Variants in COL21A1 observed in about 807,000 individuals in gnomAD.
The protein encoded by COL21A1 is collagen type XXI alpha 1 chain.
COL21A1 carries 149 observed loss-of-function variants against 137.9 expected under a neutral mutation model. The observed-to-expected ratio is 1.08, with a 90% CI of 0.95 to 1.24. The LOEUF (loss-of-function observed/expected upper bound fraction) is 1.24. Among genes scored for constraint, COL21A1 ranks in the 50% most tolerant of loss-of-function variants. COL21A1 has a pLI of 0.00. For synonymous variants in COL21A1, 456 were observed against 391.5 expected, an observed-to-expected ratio of 1.16 and a Z score of -1.95; for missense variants, 1,167 against 1,158.4, an observed-to-expected ratio of 1.01 and a Z score of -0.11.
intron 1 of COL21A1, among the ~76,000 whole-genome samples, chr6:56,210,507 A>C (rs1405739404): frequency 6.6e-6 from 1 of 152,210 alleles, no homozygotes; most frequent in Non-Finnish European, 1.5e-5. Flanking sequence ...AATCTAGGCA[A>C]GGACTACCAG....
At chr6:56,338,932 T>C (rs1265623977) in intron 1 of COL21A1, among the ~76,000 whole-genome samples, 1 of 152,204 alleles carries the variant, frequency 6.6e-6, no homozygotes, top group Non-Finnish European at 1.5e-5. Flanking sequence ...TTATGATCCC[T>C]AAAAAGACTG....
At chr6:56,101,190 T>C (rs1460774405) in intron 17 of COL21A1, among the ~76,000 whole-genome samples, 1 of 152,190 alleles carries the variant, frequency 6.6e-6, no homozygotes, top group African/African-American at 2.4e-5. Flanking sequence ...GACTGAAGGC[T>C]CAGCAACAGA....
intron 1 of COL21A1, among the ~76,000 whole-genome samples, chr6:56,192,008 G>C (rs1778716102): frequency 6.6e-6 from 1 of 152,032 alleles, no homozygotes; most frequent in Admixed American, 6.6e-5. Context: ...CAGATATATA[G>C]ACCAATGGAA....
intron 1 of COL21A1, among the ~76,000 whole-genome samples, chr6:56,330,284 G>A (rs985970924): frequency 6.6e-6 from 1 of 151,916 alleles, no homozygotes; most frequent in Admixed American, 6.6e-5. Flanking sequence ...TATTAGGAGG[G>A]TAAAGCAAAA....
intron 1 of COL21A1, among the ~76,000 whole-genome samples, chr6:56,280,100 T>C (rs147025968): frequency 2.2e-4 from 34 of 152,330 alleles, no homozygotes; most frequent in African/African-American, 7.9e-4. Context: ...CCACAAGTTG[T>C]ACATCTCCTA....
chr6:56,197,997 G>A (rs1435361384), intron 1 of COL21A1, among the ~76,000 whole-genome samples: 1 of 151,974 alleles, frequency 6.6e-6, no homozygotes, highest in Non-Finnish European at 1.5e-5. Flanking sequence ...TGGGGTGTGT[G>A]TACACGTATA....
intron 1 of COL21A1, among the ~76,000 whole-genome samples, chr6:56,368,933 A>C (rs560541764): frequency 1.3e-5 from 2 of 152,320 alleles, no homozygotes; most frequent in South Asian, 4.1e-4. Flanking sequence ...TTTCTCCATT[A>C]AAAATGTAAT....
chr6:56,158,270 T>TTC (rs1775931927), intron 9 of COL21A1, among the ~76,000 whole-genome samples: 7 of 110,268 alleles, frequency 6.3e-5, no homozygotes, highest in African/African-American at 2.3e-4. Flanking sequence ...TTTTTTCTTT[T>TTC]TTTTTTTTTT....
intron 1 of COL21A1, among the ~76,000 whole-genome samples, chr6:56,320,532 C>G (rs1271347556): frequency 6.6e-6 from 1 of 151,794 alleles, no homozygotes; most frequent in East Asian, 1.9e-4. Context: ...CACACACACA[C>G]ACACACACAC....
chr6:56,064,984 T>G (rs1766115981), intron 23 of COL21A1, among the ~76,000 whole-genome samples: 1 of 152,218 alleles, frequency 6.6e-6, no homozygotes, highest in Middle Eastern at 3.4e-3. Flanking sequence ...TTATGTTCAT[T>G]GTTGACTATG....
chr6:56,073,378 A>G (rs1471161825), intron 20 of COL21A1, among the ~76,000 whole-genome samples: 1 of 151,374 alleles, frequency 6.6e-6, no homozygotes, highest in Non-Finnish European at 1.5e-5. Context: ...TTTTCTCATT[A>G]TTGGGCTCCC....
chr6:56,111,503 T>C (rs1771429471), intron 16 of COL21A1, among the ~76,000 whole-genome samples: 1 of 152,110 alleles, frequency 6.6e-6, no homozygotes, highest in South Asian at 2.1e-4. Context: ...TCAACAGAAG[T>C]TGGATAAAGG....
intron 10 of COL21A1, among the ~76,000 whole-genome samples, chr6:56,151,894 C>T (rs1039170792): frequency 4.6e-5 from 7 of 152,106 alleles, no homozygotes; most frequent in Non-Finnish European, 7.4e-5. Context: ...GACCACCCAA[C>T]GTCACATTCC....
At chr6:56,107,197 G>T (rs995262553) in intron 16 of COL21A1, among the ~76,000 whole-genome samples, 1 of 152,080 alleles carries the variant, frequency 6.6e-6, no homozygotes, top group African/African-American at 2.4e-5. Flanking sequence ...TGAGAACGAT[G>T]ATTAAATTAC....
chr6:56,211,704 C>A (rs1245680587), intron 1 of COL21A1, among the ~76,000 whole-genome samples: 2 of 152,030 alleles, frequency 1.3e-5, no homozygotes, highest in Non-Finnish European at 2.9e-5. Flanking sequence ...GTGATTGTCA[C>A]CATTTTTTTT....
intron 1 of COL21A1, among the ~76,000 whole-genome samples, chr6:56,311,030 AG>A: frequency 6.6e-6 from 1 of 152,330 alleles, no homozygotes; most frequent in Non-Finnish European, 1.5e-5. Flanking sequence ...TACGGCTATT[AG>A]GTTTTAAAAG....
chr6:56,116,396 T>TAAAA (rs370697652), intron 16 of COL21A1, among the ~76,000 whole-genome samples: 6 of 90,830 alleles, frequency 6.6e-5, no homozygotes, highest in Non-Finnish European at 6.2e-5. Flanking sequence ...GTGCCAAAGG[T>TAAAA]AAAAAAAAAA....
At chr6:56,354,331 T>C (rs910478876) in intron 1 of COL21A1, among the ~76,000 whole-genome samples, 1 of 152,226 alleles carries the variant, frequency 6.6e-6, no homozygotes, top group Non-Finnish European at 1.5e-5. Context: ...TATACTTTCA[T>C]AAATTGTGCT....
intron 1 of COL21A1, among the ~76,000 whole-genome samples, chr6:56,367,293 C>G (rs750509475): frequency 6.6e-6 from 1 of 152,192 alleles, no homozygotes; most frequent in African/African-American, 2.4e-5. Flanking sequence ...TGCATGTTCA[C>G]GCCTTCCCTA....
Sources: allele counts gnomAD v4.1 joint callset (sites outside exome capture counted in the v4.1 genomes callset), GRCh38; gene constraint gnomAD v4.1.1; transcripts MANE v1.5; gene names NCBI Gene and HGNC (gene_info 2026-07-23, HGNC 2026-07-21).